ASTN2: variants seen among roughly 807,000 people sequenced by gnomAD.
The protein encoded by ASTN2 is astrotactin-2.
In ASTN2, 54 loss-of-function variants were observed where a neutral mutation model predicts 139.8. That is an observed-to-expected ratio of 0.39 (90% CI 0.31 to 0.48). The LOEUF (loss-of-function observed/expected upper bound fraction) is 0.48, where lower values mean the gene tolerates loss of function less well. Ranked by LOEUF, ASTN2 falls within the 20% of genes least tolerant of loss-of-function variation. The probability of loss-of-function intolerance (pLI) is 0.95; values close to 1 mark genes in which losing one functional copy is unlikely to be tolerated. For missense variants in ASTN2, 1,565 were observed against 1,725.1 expected, an observed-to-expected ratio of 0.91 and a Z score of 1.64; for synonymous variants, 756 against 719.5, an observed-to-expected ratio of 1.05 and a Z score of -0.81.
At chr9:116,675,314 G>A (rs554213788) in intron 16 of ASTN2, among the ~76,000 whole-genome samples, 1 of 152,300 alleles carries the variant, frequency 6.6e-6, no homozygotes, top group Admixed American at 6.5e-5. Flanking sequence ...TTGGATTGGT[G>A]ACTATCCTAG....
chr9:116,505,626 A>C (rs1850076689), intron 19 of ASTN2, among the ~76,000 whole-genome samples: 1 of 152,194 alleles, frequency 6.6e-6, no homozygotes, highest in Non-Finnish European at 1.5e-5. Flanking sequence ...TCCTTAATGT[A>C]TAAAATGTAT....
intron 20 of ASTN2, among the ~76,000 whole-genome samples, chr9:116,475,217 A>C (rs1848940816): frequency 6.6e-6 from 1 of 152,222 alleles, no homozygotes; most frequent in South Asian, 2.1e-4. Flanking sequence ...TATTAACACC[A>C]AATCAGCAGT....
At chr9:117,364,812 A>C (rs1021391448) in intron 1 of ASTN2, among the ~76,000 whole-genome samples, 5 of 152,064 alleles carry the variant, frequency 3.3e-5, no homozygotes, top group Non-Finnish European at 7.4e-5. Flanking sequence ...AGGCACATTA[A>C]GTAAATAAAA....
chr9:116,885,886 A>G (rs1251034531), intron 10 of ASTN2, among the ~76,000 whole-genome samples: 1 of 152,174 alleles, frequency 6.6e-6, no homozygotes, highest in Non-Finnish European at 1.5e-5. Context: ...TCACTCATTC[A>G]TTCATTCAAT....
chr9:117,309,951 G>T (rs1013471017), intron 1 of ASTN2, among the ~76,000 whole-genome samples: 4 of 152,062 alleles, frequency 2.6e-5, no homozygotes, highest in African/African-American at 9.7e-5. Context: ...TTTTCATTTT[G>T]CACTGGGCCC....
chr9:117,096,094 G>C lies in ASTN2; in HGVS notation c.1226C>G (p.Thr409Ser). ...CTGCTCCGTGTAGAATGTCAGCTGA[G>C]TTTCATCGTCTGCCTCTGAGCCCGA... is the stretch of plus-strand genomic sequence containing the variant. Reference protein sequence around the residue: ...GTSGSEADDETQLTFYTEQYR... With the variant: ...GTSGSEADDESQLTFYTEQYR... The change falls in exon 5 of 23, where the codon ACT (threonine) becomes AGT (serine). Residue 409 changes from threonine (T) to serine (S), a missense_variant. Around this residue, in one of 4 missense-constraint regions of ASTN2, gnomAD observed 596 missense variants for 576.8 expected, o/e 1.03. Transcript: ENST00000313400. 1 of 1,614,112 alleles carries C rather than the reference G, an allele frequency of 6.2e-7. No individual in the cohort carries two copies.
intron 2 of ASTN2, among the ~76,000 whole-genome samples, chr9:117,225,035 T>G (rs1262355209): frequency 2.0e-5 from 3 of 152,182 alleles, no homozygotes; most frequent in Non-Finnish European, 2.9e-5. Flanking sequence ...CATTATGTAT[T>G]TATTGTATTT....
chr9:116,634,336 A>G (rs572404758), intron 17 of ASTN2, among the ~76,000 whole-genome samples: 50 of 152,078 alleles, frequency 3.3e-4, no homozygotes, highest in Admixed American at 1.7e-3. Flanking sequence ...CACGCCTGTA[A>G]TCCCAGCACT....
intron 20 of ASTN2, among the ~76,000 whole-genome samples, chr9:116,480,100 A>G (rs1389021993): frequency 6.6e-6 from 1 of 151,858 alleles, no homozygotes; most frequent in Non-Finnish European, 1.5e-5. Context: ...CAAGGAAGGA[A>G]GGATGGGTGA....
chr9:116,626,773 T>G (rs1165296715), intron 17 of ASTN2, among the ~76,000 whole-genome samples: 1 of 152,164 alleles, frequency 6.6e-6, no homozygotes, highest in African/African-American at 2.4e-5. Flanking sequence ...GGTGCGCCCA[T>G]GCTGACAATA....
intron 11 of ASTN2, among the ~76,000 whole-genome samples, chr9:116,852,907 A>ACACG (rs1197431577): frequency 6.6e-6 from 1 of 151,472 alleles, no homozygotes; most frequent in East Asian, 1.9e-4. Flanking sequence ...ACACACACAC[A>ACACG]CACACACACA....
At chr9:116,591,650 G>C (rs969934733) in intron 19 of ASTN2, among the ~76,000 whole-genome samples, 3 of 152,176 alleles carry the variant, frequency 2.0e-5, no homozygotes, top group African/African-American at 4.8e-5. Context: ...ATGCATATTG[G>C]ATAACTTTTT....
At chr9:116,950,465 AGAG>A (rs1193555574) in intron 10 of ASTN2, among the ~76,000 whole-genome samples, 1 of 152,214 alleles carries the variant, frequency 6.6e-6, no homozygotes, top group African/African-American at 2.4e-5. Context: ...ATGGATAACT[AGAG>A]GAGAAGATTA....
At chr9:116,920,236 C>T (rs1023442532) in intron 10 of ASTN2, among the ~76,000 whole-genome samples, 3 of 152,202 alleles carry the variant, frequency 2.0e-5, no homozygotes, top group Admixed American at 6.5e-5. Flanking sequence ...CAGCCCCTCT[C>T]CCTGGTTCCC....
chr9:116,664,336 C>T (rs1588159953), intron 16 of ASTN2, among the ~76,000 whole-genome samples: 1 of 151,230 alleles, frequency 6.6e-6, no homozygotes. Flanking sequence ...CCTCCTTGGC[C>T]TCCCAAAGTG....
rs1169803144 is a variant in ASTN2, at chr9:116,699,176, G to T, written c.2806+26595C>A. The T allele has an allele frequency of 1.2e-6, 2 of 1,614,242 alleles. No individual in the cohort carries two copies. The highest frequency in any genetic ancestry group is 1.7e-6 in the Non-Finnish European group (2 of 1,180,042). ...GCAAACCATGGGGTATCACAGCCTT[G>T]CCATCTGGCCAGTTTGTAGTAACCG... On this transcript the variant is annotated intron_variant, in intron 16 of 22. Transcript: ENST00000313400. The surrounding 1 kb of genome is among the most constrained non-coding windows in gnomAD (Gnocchi z 4.2).
chr9:116,562,269 G>A (rs1207555749), intron 19 of ASTN2: 2 of 152,156 alleles, frequency 1.3e-5, no homozygotes, highest in Non-Finnish European at 2.9e-5. Context: ...TAAAGTCAGT[G>A]AATAAAGAAA....
intron 3 of ASTN2, among the ~76,000 whole-genome samples, chr9:117,144,456 G>C (rs888737001): frequency 6.6e-6 from 1 of 152,090 alleles, no homozygotes; most frequent in African/African-American, 2.4e-5. Flanking sequence ...AGCTTTGAAT[G>C]CAGCCCAATG....
chr9:117,206,537 G>T, intron 3 of ASTN2, among the ~76,000 whole-genome samples: 1 of 152,124 alleles, frequency 6.6e-6, no homozygotes, highest in South Asian at 2.1e-4. Context: ...TCATGAGTGT[G>T]CCCTGCTTTG....
Sources: allele counts gnomAD v4.1 joint callset (sites outside exome capture counted in the v4.1 genomes callset), GRCh38; gene constraint gnomAD v4.1.1; regional missense constraint gnomAD v4.1.1; non-coding constraint Gnocchi (gnomAD v3.1); transcripts MANE v1.5; gene names NCBI Gene and HGNC (gene_info 2026-07-23, HGNC 2026-07-21).